Variants in GABRB2 observed in about 807,000 individuals in gnomAD.
GABRB2 encodes the protein gamma-aminobutyric acid receptor subunit beta-2.
In GABRB2, 16 loss-of-function variants were observed where a neutral mutation model predicts 54.7. The ratio of observed to expected loss-of-function variants is 0.29; its 90% confidence interval spans 0.20 to 0.44. GABRB2 has a LOEUF of 0.44. Ranked by LOEUF, GABRB2 falls within the 20% of genes least tolerant of loss-of-function variation. The probability of loss-of-function intolerance (pLI) is 1.00; values close to 1 mark genes in which losing one functional copy is unlikely to be tolerated. For synonymous variants in GABRB2, 244 were observed against 233.8 expected, an observed-to-expected ratio of 1.04 and a Z score of -0.40; for missense variants, 355 against 644.0, an observed-to-expected ratio of 0.55 and a Z score of 4.86.
chr5:161,394,066 AT>A (rs1755921042), intron 5 of GABRB2, among the ~76,000 whole-genome samples: 1 of 152,082 alleles, frequency 6.6e-6, no homozygotes, highest in Non-Finnish European at 1.5e-5. Flanking sequence ...AGATTACTAT[AT>A]ATAGGAAAAC....
chr5:161,332,022 C>T (rs1398907787), intron 7 of GABRB2, among the ~76,000 whole-genome samples: 2 of 151,622 alleles, frequency 1.3e-5, no homozygotes, highest in Admixed American at 6.6e-5. Flanking sequence ...AAAAATTAGC[C>T]GGGCGTGATG....
In GABRB2 at chr5:161,354,583, T is replaced by C. The variant is rs73316979; in HGVS notation, c.542-17814A>G. On this transcript the variant is annotated intron_variant, in intron 5 of 9. Coordinates refer to ENST00000393959, the MANE Select transcript of GABRB2 (RefSeq NM_001371727.1). ...TCATCTCATGCTGGGGAAACTGATA[T>C]AGATGCCTAATTGGTTTGCCTACTT... Among the ~76,000 whole-genome samples the C allele has an allele frequency of 3.2e-3, 491 of 152,120 alleles. 2 individuals carry two copies. The highest frequency in any genetic ancestry group is 0.011 in the African/African-American group (460 of 41,546).
At chr5:161,336,598 T>A in intron 6 of GABRB2, 34 bp downstream of exon 6, 1 of 1,605,634 alleles carries the variant, frequency 6.2e-7, no homozygotes, top group Middle Eastern at 1.7e-4. Context: ...ACGGTGAAGA[T>A]TATTTTCCCT....
At chr5:161,377,388 A>T (rs1278156814) in intron 5 of GABRB2, among the ~76,000 whole-genome samples, 3 of 152,090 alleles carry the variant, frequency 2.0e-5, no homozygotes, top group African/African-American at 7.2e-5. Flanking sequence ...TAAGCTTTTC[A>T]TTTTTATAGA....
intron 3 of GABRB2, among the ~76,000 whole-genome samples, chr5:161,460,047 C>T (rs1758071525): frequency 6.6e-6 from 1 of 152,218 alleles, no homozygotes; most frequent in African/African-American, 2.4e-5. Context: ...CAGGTTCAAG[C>T]AATTCTCCTG....
chr5:161,432,644 GAAACATATGTCTGGAAAAGGGCTC>G (rs1757201822), intron 4 of GABRB2, among the ~76,000 whole-genome samples: 1 of 151,972 alleles, frequency 6.6e-6, no homozygotes, highest in Non-Finnish European at 1.5e-5. Flanking sequence ...ACTTTTTATT[GAAACATATGTCTGGAAAAGGGCTC>G]AATGTATAAG....
rs755694724 is a variant in GABRB2, at chr5:161,334,795, G to A, written c.789C>T (p.Ser263=). Residue 263 remains serine, a synonymous_variant, in exon 7 of 10, where the codon TCC becomes TCT. Transcript: ENST00000393959. The part of the protein sequence containing the change: ...SILITILSWV[S]FWINYDASAA... The stretch of plus-strand genomic sequence containing the variant: ...CTGAAGCATCGTAATTAATCCAGAA[G>A]GAGACCCAGGAGAGGATGGTAATCA... The A allele has an allele frequency of 6.2e-7, 1 of 1,614,018 alleles. No homozygotes were observed. The highest frequency in any genetic ancestry group is 1.1e-5 in the South Asian group (1 of 91,078).
intron 3 of GABRB2, among the ~76,000 whole-genome samples, chr5:161,494,415 A>G (rs545999003): frequency 3.3e-5 from 5 of 151,930 alleles, no homozygotes; most frequent in East Asian, 1.9e-4. Flanking sequence ...CTGCTGTCCT[A>G]GCTCCAATAT....
intron 4 of GABRB2, among the ~76,000 whole-genome samples, chr5:161,421,379 C>G (rs1022565509): frequency 2.0e-5 from 3 of 152,218 alleles, no homozygotes; most frequent in African/African-American, 7.2e-5. Context: ...CTTTTATATC[C>G]TCTCTTTCCC....
intron 3 of GABRB2, among the ~76,000 whole-genome samples, chr5:161,515,282 A>T (rs6877506): frequency 0.013 from 2,038 of 151,860 alleles, 35 homozygotes; most frequent in African/African-American, 0.036. Context: ...AGAATTTTTT[A>T]AAAAAAATTC....
At chr5:161,485,253 G>A (rs774799671) in intron 3 of GABRB2, among the ~76,000 whole-genome samples, 8 of 151,956 alleles carry the variant, frequency 5.3e-5, no homozygotes, top group Non-Finnish European at 7.4e-5. Flanking sequence ...TCCTGGAACA[G>A]TGTTTATAAT....
At chr5:161,511,290 A>G (rs1052580250) in intron 3 of GABRB2, among the ~76,000 whole-genome samples, 21 of 152,108 alleles carry the variant, frequency 1.4e-4, no homozygotes, top group Admixed American at 6.6e-4. Flanking sequence ...TTTATATCTA[A>G]AAGTTGACCT....
intron 5 of GABRB2, among the ~76,000 whole-genome samples, chr5:161,354,455 A>G (rs988693967): frequency 2.6e-5 from 4 of 152,142 alleles, no homozygotes; most frequent in African/African-American, 9.6e-5. Flanking sequence ...ACACAACCGC[A>G]TCCCAAAAGA....
chr5:161,291,993 G>C lies in GABRB2; in HGVS notation c.*2088C>G, dbSNP rs1361276570. ...GAGAAACATGAGGAATCTCTACTCTGAGCCTGTGAGAAGAATCTTGGTCAG... is the reference window on the plus strand; with the variant it reads ...GAGAAACATGAGGAATCTCTACTCTCAGCCTGTGAGAAGAATCTTGGTCAG... On this transcript the variant is annotated 3_prime_UTR_variant, in exon 10 of 10. Transcript: ENST00000393959. The C allele has an allele frequency of 6.6e-6, 1 of 152,170 alleles. No individual in the cohort carries two copies. The highest frequency in any genetic ancestry group is 2.4e-5 in the African/African-American group (1 of 41,444). The allele number at this position is 152,170 out of a possible 1,614,324, so 9.4% of individuals were successfully genotyped here.
intron 5 of GABRB2, among the ~76,000 whole-genome samples, chr5:161,360,703 GAATT>G (rs1177374330): frequency 6.6e-6 from 1 of 152,130 alleles, no homozygotes; most frequent in Non-Finnish European, 1.5e-5. Context: ...ATGAATAAAT[GAATT>G]GAGGCTGCTA....
chr5:161,394,681 C>T (rs1234573030), intron 5 of GABRB2, among the ~76,000 whole-genome samples: 1 of 151,934 alleles, frequency 6.6e-6, no homozygotes. Flanking sequence ...TTTTTAAAGT[C>T]CCATATCTGT....
At chr5:161,372,488 G>A (rs1365748347) in intron 5 of GABRB2, among the ~76,000 whole-genome samples, 2 of 152,112 alleles carry the variant, frequency 1.3e-5, no homozygotes, top group Non-Finnish European at 2.9e-5. Flanking sequence ...AAATGTGGCT[G>A]TAAGTCTGGG....
chr5:161,311,139 C>G (rs1205538289), intron 9 of GABRB2, among the ~76,000 whole-genome samples: 1 of 150,866 alleles, frequency 6.6e-6, no homozygotes, highest in Non-Finnish European at 1.5e-5. Context: ...TATCTTTGAT[C>G]TCCTTGCCAT....
chr5:161,411,096 T>G (rs1756505173), intron 4 of GABRB2, 39 bp from the exon 5 acceptor site: 5 of 1,481,870 alleles, frequency 3.4e-6, no homozygotes, highest in Non-Finnish European at 4.7e-6. Flanking sequence ...TGTTAGCAGG[T>G]CTAAGGCTGG....
Sources: allele counts gnomAD v4.1 joint callset (sites outside exome capture counted in the v4.1 genomes callset), GRCh38; gene constraint gnomAD v4.1.1; transcripts MANE v1.5; gene names NCBI Gene and HGNC (gene_info 2026-07-23, HGNC 2026-07-21).